NAALADL2: variants seen among roughly 807,000 people sequenced by gnomAD.
NAALADL2 encodes N-acetylated alpha-linked acidic dipeptidase like 2, also known as inactive N-acetylated-alpha-linked acidic dipeptidase-like protein 2.
NAALADL2 carries 76 observed loss-of-function variants against 87.2 expected under a neutral mutation model. The ratio of observed to expected loss-of-function variants is 0.87; its 90% CI spans 0.72 to 1.05. The LOEUF (loss-of-function observed/expected upper bound fraction) is 1.05. Among genes scored for constraint, NAALADL2 ranks in the 50% least tolerant of loss-of-function variants. The probability of loss-of-function intolerance (pLI) is 0.00; values close to 1 mark genes in which losing one functional copy is unlikely to be tolerated. For synonymous variants in NAALADL2, 354 were observed against 331.0 expected (o/e 1.07, Z -0.75); for missense variants, 1,089 against 945.8 (o/e 1.15, Z -1.99).
chr3:175,591,512 T>C (rs1308856929), intron 10 of NAALADL2, among the ~76,000 whole-genome samples: 1 of 152,006 alleles, frequency 6.6e-6, no homozygotes, highest in Non-Finnish European at 1.5e-5. Context: ...ACAAACAATG[T>C]GCAGAACACT....
chr3:175,182,317 C>A (rs10212563), intron 2 of NAALADL2, among the ~76,000 whole-genome samples: 109,729 of 151,320 alleles, frequency 0.73, 40,419 homozygotes, highest in Non-Finnish European at 0.8. Flanking sequence ...AAATGTATGG[C>A]TTGAAAATAT....
chr3:174,938,183 C>T (rs1241486372), intron 1 of NAALADL2, among the ~76,000 whole-genome samples: 1 of 152,030 alleles, frequency 6.6e-6, no homozygotes, highest in Non-Finnish European at 1.5e-5. Flanking sequence ...TCCCACCCTG[C>T]ACTCTCAACT....
At chr3:175,133,064 C>G (rs7622337) in intron 2 of NAALADL2, among the ~76,000 whole-genome samples, 4 of 142,068 alleles carry the variant, frequency 2.8e-5, no homozygotes, top group East Asian at 2.2e-4. Flanking sequence ...GGGGCAGAGG[C>G]GCTCCCCACA....
At chr3:175,523,901 T>C (rs1733028300) in intron 9 of NAALADL2, among the ~76,000 whole-genome samples, 1 of 152,248 alleles carries the variant, frequency 6.6e-6, no homozygotes, top group Non-Finnish European at 1.5e-5. Flanking sequence ...ACTGACATAT[T>C]GATTCTTTGA....
Position 174,639,027 on chromosome 3 carries a change from A to G in NAALADL2, c.-115+88390A>G, listed in dbSNP as rs145932083. On this transcript the variant is annotated intron_variant, in intron 2 of 3. Coordinates refer to the NAALADL2 transcript ENST00000434257. ...CTTTTAATGGCCCTGGGTTGCTCTG[A>G]CTTTTGGAATTCTTGTGATTGCTCT... 2.9e-3 allele frequency among the ~76,000 whole-genome samples: 440 copies of G among 152,192 alleles called. 3 individuals are homozygous for G. Among genetic ancestry groups the G allele is most frequent in the African/African-American group, 0.01 (424 of 41,522 alleles).
chr3:174,923,823 G>A (rs1334060068), intron 1 of NAALADL2, among the ~76,000 whole-genome samples: 1 of 152,078 alleles, frequency 6.6e-6, no homozygotes, highest in Non-Finnish European at 1.5e-5. Context: ...TTGCTGGTAT[G>A]GCACTGTAGA....
intron 3 of NAALADL2, among the ~76,000 whole-genome samples, chr3:174,802,573 G>C (rs1718970090): frequency 6.6e-6 from 1 of 152,088 alleles, no homozygotes; most frequent in Non-Finnish European, 1.5e-5. Context: ...ATGTTGGTTT[G>C]CTGCGACCAT....
chr3:174,547,916 A>G (rs1379795242), intron 1 of NAALADL2, among the ~76,000 whole-genome samples: 1 of 152,208 alleles, frequency 6.6e-6, no homozygotes, highest in East Asian at 1.9e-4. Flanking sequence ...ATGTTTCACC[A>G]ATTTGTACCT....
chr3:175,649,941 A>G (rs1476449989), intron 11 of NAALADL2, among the ~76,000 whole-genome samples: 1 of 151,934 alleles, frequency 6.6e-6, no homozygotes, highest in Non-Finnish European at 1.5e-5. Context: ...CTATGGTACA[A>G]TATGGCAGTT....
intron 5 of NAALADL2, among the ~76,000 whole-genome samples, chr3:175,401,670 T>C (rs1770579858): frequency 6.6e-6 from 1 of 152,184 alleles, no homozygotes; most frequent in African/African-American, 2.4e-5. Flanking sequence ...GAAGTATTTG[T>C]GTGTCTAAAC....
At chr3:174,895,360 C>T (rs1731382850) in intron 1 of NAALADL2, among the ~76,000 whole-genome samples, 1 of 151,768 alleles carries the variant, frequency 6.6e-6, no homozygotes, top group African/African-American at 2.4e-5. Flanking sequence ...ACAACTGATG[C>T]TGTGGAAATT....
intron 1 of NAALADL2, among the ~76,000 whole-genome samples, chr3:174,518,920 T>A (rs1720094846): frequency 6.6e-6 from 1 of 152,110 alleles, no homozygotes; most frequent in Non-Finnish European, 1.5e-5. Context: ...GTATTCTGCA[T>A]TTTTTTAAGG....
At chr3:175,007,772 T>C (rs1749232153) in intron 1 of NAALADL2, among the ~76,000 whole-genome samples, 1 of 152,128 alleles carries the variant, frequency 6.6e-6, no homozygotes, top group Non-Finnish European at 1.5e-5. Context: ...TACGAAAAGG[T>C]TTAATTTATA....
chr3:175,656,266 G>A (rs984978381), intron 11 of NAALADL2, among the ~76,000 whole-genome samples: 1 of 152,216 alleles, frequency 6.6e-6, no homozygotes, highest in Non-Finnish European at 1.5e-5. Flanking sequence ...ACTCAGAGAC[G>A]TTTGTCTCAG....
chr3:175,618,463 C>A (rs915824114), intron 10 of NAALADL2, among the ~76,000 whole-genome samples: 1 of 152,138 alleles, frequency 6.6e-6, no homozygotes, highest in Non-Finnish European at 1.5e-5. Context: ...TTGGGATTGC[C>A]CTTTGCAGCT....
intron 2 of NAALADL2, among the ~76,000 whole-genome samples, chr3:174,708,239 G>A (rs1162312921): frequency 1.3e-5 from 2 of 152,136 alleles, no homozygotes; most frequent in Non-Finnish European, 2.9e-5. Flanking sequence ...ATAAATGGAA[G>A]AGACAAAATG....
intron 2 of NAALADL2, among the ~76,000 whole-genome samples, chr3:175,218,702 C>T (rs1742902665): frequency 6.6e-6 from 1 of 151,900 alleles, no homozygotes; most frequent in South Asian, 2.1e-4. Flanking sequence ...CTTTCATTGG[C>T]TATATCTGTG....
intron 3 of NAALADL2, among the ~76,000 whole-genome samples, chr3:174,790,655 A>G (rs1370366983): frequency 6.6e-6 from 1 of 152,140 alleles, no homozygotes; most frequent in Non-Finnish European, 1.5e-5. Context: ...TCTCAAAAAA[A>G]AAAAAATGTG....
intron 1 of NAALADL2, among the ~76,000 whole-genome samples, chr3:174,885,093 C>T (rs575225226): frequency 3.2e-3 from 486 of 152,230 alleles, no homozygotes; most frequent in Non-Finnish European, 5.7e-3. Context: ...AGTTTCATCA[C>T]AGTTTACAAC....
Sources: gnomAD v4.1 joint callset for allele counts (sites outside exome capture counted in the v4.1 genomes callset) on GRCh38, gnomAD v4.1.1 for gene constraint, MANE v1.5 for transcripts, NCBI Gene and HGNC (gene_info 2026-07-23, HGNC 2026-07-21) for gene names.